KLHL1: variants seen among roughly 807,000 people sequenced by gnomAD.
The protein encoded by KLHL1 is kelch-like protein 1.
In KLHL1, 47 loss-of-function variants were observed where a neutral mutation model predicts 77.7. The ratio of observed to expected loss-of-function variants is 0.60; its 90% CI spans 0.48 to 0.77. The LOEUF is 0.77. KLHL1 is among the 30% of genes least tolerant of loss of function. The pLI, the probability that KLHL1 is intolerant of heterozygous loss-of-function variation, is 0.00. For synonymous variants in KLHL1, 360 were observed against 325.2 expected (o/e 1.11, Z -1.15); for missense variants, 925 against 910.8 (o/e 1.02, Z -0.20).
intron 5 of KLHL1, among the ~76,000 whole-genome samples, chr13:69,860,640 C>T (rs1880112465): frequency 6.6e-6 from 1 of 151,112 alleles, no homozygotes; most frequent in Admixed American, 6.6e-5. Context: ...TTATTTTATT[C>T]CTCAAAACAT....
At chr13:69,804,507 T>C (rs973884934) in intron 6 of KLHL1, among the ~76,000 whole-genome samples, 1 of 152,176 alleles carries the variant, frequency 6.6e-6, no homozygotes, top group Non-Finnish European at 1.5e-5. Context: ...AAAGCTCTCT[T>C]ATTCAACTCA....
At chr13:70,036,709 T>G (rs149932639) in intron 1 of KLHL1, among the ~76,000 whole-genome samples, 3 of 151,862 alleles carry the variant, frequency 2.0e-5, no homozygotes, top group Non-Finnish European at 2.9e-5. Flanking sequence ...CTTATTTAAA[T>G]TTCCTTGTTT....
chr13:70,034,506 G>A (rs903204654), intron 1 of KLHL1, among the ~76,000 whole-genome samples: 3 of 152,156 alleles, frequency 2.0e-5, no homozygotes, highest in Non-Finnish European at 4.4e-5. Flanking sequence ...TGGAACAGTT[G>A]TCATGGCAAC....
intron 3 of KLHL1, among the ~76,000 whole-genome samples, chr13:69,944,714 A>G (rs923852958): frequency 6.6e-6 from 1 of 152,174 alleles, no homozygotes; most frequent in African/African-American, 2.4e-5. Flanking sequence ...TGCAAAACTG[A>G]TTATAAAATT....
intron 7 of KLHL1, among the ~76,000 whole-genome samples, chr13:69,775,519 CA>C (rs1179911697): frequency 6.6e-6 from 1 of 152,028 alleles, no homozygotes; most frequent in African/African-American, 2.4e-5. Context: ...CCACAAAAAA[CA>C]AGAACTGTTT....
chr13:69,743,452 G>T (rs148188393), intron 7 of KLHL1, among the ~76,000 whole-genome samples: 1 of 152,206 alleles, frequency 6.6e-6, no homozygotes, highest in Admixed American at 6.6e-5. Flanking sequence ...CTTGCTGTTG[G>T]AATTTACTAA....
intron 6 of KLHL1, among the ~76,000 whole-genome samples, chr13:69,821,488 C>T (rs925215665): frequency 7.9e-5 from 12 of 151,646 alleles, no homozygotes; most frequent in Admixed American, 6.6e-5. Flanking sequence ...CTAATTTTTG[C>T]ATTTTTAGTA....
intron 7 of KLHL1, among the ~76,000 whole-genome samples, chr13:69,779,344 CCCT>C (rs1876008124): frequency 2.0e-5 from 3 of 151,004 alleles, no homozygotes; most frequent in South Asian, 4.2e-4. Context: ...TTCCTTCCTT[CCCT>C]CCTCTTTTTT....
intron 1 of KLHL1, among the ~76,000 whole-genome samples, chr13:70,010,169 T>G (rs1450066088): frequency 6.6e-6 from 1 of 152,170 alleles, no homozygotes; most frequent in African/African-American, 2.4e-5. Context: ...TGTAATGTCT[T>G]GTAGGCCTAG....
chr13:69,738,910 A>C (rs1353546718), intron 8 of KLHL1, among the ~76,000 whole-genome samples: 1 of 152,134 alleles, frequency 6.6e-6, no homozygotes, highest in Admixed American at 6.5e-5. Flanking sequence ...AACCCCAGTA[A>C]GATATTCCAC....
intron 6 of KLHL1, among the ~76,000 whole-genome samples, chr13:69,806,149 TTTG>T (rs1877607602): frequency 1.3e-5 from 2 of 152,164 alleles, no homozygotes. Context: ...TCTAAGATAA[TTTG>T]TTATTCTTTT....
At chr13:69,908,245 G>C (rs574672895) in intron 4 of KLHL1, among the ~76,000 whole-genome samples, 1 of 151,822 alleles carries the variant, frequency 6.6e-6, no homozygotes, top group African/African-American at 2.4e-5. Context: ...GTGTGGAATG[G>C]GTGAGTGAGA....
In KLHL1 at chr13:69,740,454, G is replaced by A. The variant is rs765392850; in HGVS notation, c.1742C>T (p.Thr581Ile). The change falls in exon 8 of 11, where the codon ACA (threonine) becomes ATA (isoleucine). Residue 581 changes from threonine (T) to isoleucine (I), a missense_variant. Transcript: ENST00000377844. ...ERWDPQSQQW[T>I]FVASMSIARS... ...AGCAATTGACATACTGGCTACAAAT[G>A]TCCATTGTTGACTCTGTGGATCCCA... 1.2e-6 allele frequency: 2 copies of A among 1,612,838 alleles called. No homozygotes were observed. The highest frequency in any genetic ancestry group is 1.7e-6 in the Non-Finnish European group (2 of 1,179,162).
intron 1 of KLHL1, among the ~76,000 whole-genome samples, chr13:70,027,817 A>C (rs1042300957): frequency 3.9e-5 from 6 of 152,110 alleles, no homozygotes; most frequent in African/African-American, 1.4e-4. Context: ...CAAGCTGACT[A>C]TAGATAACCT....
At chr13:70,004,330 C>T (rs978803458) in intron 1 of KLHL1, among the ~76,000 whole-genome samples, 6 of 151,658 alleles carry the variant, frequency 4.0e-5, no homozygotes, top group African/African-American at 1.5e-4. Context: ...GAAAGAGGAA[C>T]ATAAAAACAT....
rs565620126 is a variant in KLHL1, at chr13:69,975,498, A to G, written c.680+122T>C. The stretch of plus-strand genomic sequence containing the variant: ...AAACAAAACAAACAACAACAACAAC[A>G]AAAAACTTAAAAAAATGTGAATCCT... On this transcript the variant is annotated intron_variant, in intron 2 of 10. Transcript: ENST00000377844. 2.4e-5 allele frequency: 19 copies of G among 807,538 alleles called. No individual in the cohort carries two copies. In the African/African-American group the frequency reaches 3.2e-4, roughly 14 times the overall value. The allele number at this position is 807,538 out of a possible 1,614,324, so 50.0% of individuals were successfully genotyped here.
chr13:69,821,018 A>G (rs982158714), intron 6 of KLHL1, among the ~76,000 whole-genome samples: 1 of 152,204 alleles, frequency 6.6e-6, no homozygotes, highest in African/African-American at 2.4e-5. Flanking sequence ...TGTAGAGTGA[A>G]AGCAGCCACA....
chr13:69,971,095 T>C (rs1884368737), intron 2 of KLHL1, among the ~76,000 whole-genome samples: 1 of 152,134 alleles, frequency 6.6e-6, no homozygotes, highest in Non-Finnish European at 1.5e-5. Context: ...AGTACCCAGA[T>C]TGCCTGGGTT....
intron 1 of KLHL1, among the ~76,000 whole-genome samples, chr13:70,082,439 G>A (rs958190044): frequency 6.6e-6 from 1 of 150,794 alleles, no homozygotes; most frequent in African/African-American, 2.4e-5. Context: ...CTGGGGAAAG[G>A]GATCAAAATT....
Sources: allele counts gnomAD v4.1 joint callset (sites outside exome capture counted in the v4.1 genomes callset), GRCh38; gene constraint gnomAD v4.1.1; transcripts MANE v1.5; gene names NCBI Gene and HGNC (gene_info 2026-07-23, HGNC 2026-07-21).